The following PTPRD variants were observed in gnomAD, a reference collection of about 807,000 sequenced individuals.
PTPRD encodes the protein receptor-type tyrosine-protein phosphatase delta.
Under a neutral mutation model 214.5 loss-of-function variants are expected in PTPRD, and 34 were observed. The ratio of observed to expected loss-of-function variants is 0.16; its 90% CI spans 0.12 to 0.21. The LOEUF (loss-of-function observed/expected upper bound fraction) is 0.21. PTPRD is among the 10% of genes least tolerant of loss of function. PTPRD has a pLI of 1.00. For missense variants in PTPRD, 2,545 were observed against 2,398.7 expected (o/e 1.06, Z -1.27); for synonymous variants, 1,128 against 845.7 (o/e 1.33, Z -5.79).
rs555390718 is a variant in PTPRD, at chr9:9,120,501, G to A, written c.-143+62803C>T. On this transcript the variant is annotated intron_variant, in intron 10 of 45. Transcript: ENST00000381196. ...AGCTATGGAAAAGTCTGTCAAATAT[G>A]AAAGCTGTGCATGCCTCCATTGCAT... 2.0e-5 allele frequency among the ~76,000 whole-genome samples: 3 copies of A among 152,320 alleles called. No homozygotes were observed. In the South Asian group the frequency reaches 6.2e-4, roughly 32 times the overall value.
rs376860279 is a variant in PTPRD at position 8,634,031 on chromosome 9, T to G, written c.211-573A>C. On this transcript the variant is annotated intron_variant, in intron 13 of 45. Coordinates refer to ENST00000381196, the MANE Select transcript of PTPRD (RefSeq NM_002839.4). ...AAAAGCCTGATGGTGTGCATTAATT[T>G]TGCCATAAATCATTCCAGTATTTGT... Among the ~76,000 whole-genome samples the G allele has an allele frequency of 2.6e-4, 39 of 152,080 alleles. 2 individuals carry two copies. The highest frequency in any genetic ancestry group is 9.2e-4 in the African/African-American group (38 of 41,508).
chr9:8,972,095 G>T (rs989158296), intron 11 of PTPRD, among the ~76,000 whole-genome samples: 1 of 151,768 alleles, frequency 6.6e-6, no homozygotes, highest in Non-Finnish European at 1.5e-5. Context: ...ACTCAATCCA[G>T]GAGACAGTTC....
chr9:9,320,428 T>C (rs951594688), intron 9 of PTPRD, among the ~76,000 whole-genome samples: 4 of 152,166 alleles, frequency 2.6e-5, no homozygotes, highest in African/African-American at 9.6e-5. Flanking sequence ...ATTTTAGAAA[T>C]ATATTATCTA....
At chr9:9,411,063 G>T (rs1302608591) in intron 8 of PTPRD, among the ~76,000 whole-genome samples, 1 of 152,116 alleles carries the variant, frequency 6.6e-6, no homozygotes, top group Non-Finnish European at 1.5e-5. Flanking sequence ...ATGTGTGTGT[G>T]TGTTGGACTA....
intron 7 of PTPRD, among the ~76,000 whole-genome samples, chr9:9,599,615 A>C (rs2093610550): frequency 6.6e-6 from 1 of 151,820 alleles, no homozygotes; most frequent in Admixed American, 6.6e-5. Flanking sequence ...TTTCATTCTG[A>C]GTAATTTCCA....
chr9:9,238,153 T>C (rs143301152), intron 9 of PTPRD, among the ~76,000 whole-genome samples: 125 of 152,174 alleles, frequency 8.2e-4, no homozygotes, highest in African/African-American at 2.8e-3. Context: ...AAAGGCACTA[T>C]TGACCCCCTT....
At chr9:9,317,117 T>C (rs1043470364) in intron 9 of PTPRD, among the ~76,000 whole-genome samples, 4 of 152,342 alleles carry the variant, frequency 2.6e-5, no homozygotes. Context: ...TTTTACTTTC[T>C]ACTGGTTCAT....
intron 10 of PTPRD, among the ~76,000 whole-genome samples, chr9:9,136,144 A>C (rs990229595): frequency 5.9e-5 from 9 of 152,100 alleles, no homozygotes; most frequent in African/African-American, 2.2e-4. Flanking sequence ...AACTTCATCA[A>C]ATGTTGAATA....
In PTPRD at chr9:9,663,920, T is replaced by C. The variant is rs777061698; in HGVS notation, c.-287+70613A>G. ...GTGTGGTAGCTGGATTTGAATAGTT[T>C]TTAAGATAAAGTTTTAGAAACTCTT... On this transcript the variant is annotated intron_variant, in intron 7 of 45. Coordinates refer to ENST00000381196, the MANE Select transcript of PTPRD (RefSeq NM_002839.4). 9.4e-4 allele frequency among the ~76,000 whole-genome samples: 143 copies of C among 151,524 alleles called. 1 individual carries two copies. Among genetic ancestry groups the C allele is most frequent in the Admixed American group, 4.0e-4 (6 of 15,174 alleles).
intron 7 of PTPRD, among the ~76,000 whole-genome samples, chr9:9,608,865 C>G (rs2094346768): frequency 6.6e-6 from 1 of 152,178 alleles, no homozygotes; most frequent in Non-Finnish European, 1.5e-5. Flanking sequence ...TCTTTCCTGA[C>G]TCATTGCCTT....
intron 5 of PTPRD, among the ~76,000 whole-genome samples, chr9:9,817,241 A>T (rs1650973325): frequency 6.6e-6 from 1 of 152,178 alleles, no homozygotes; most frequent in Non-Finnish European, 1.5e-5. Flanking sequence ...ATCTTTTAAC[A>T]ACTAACTACA....
At chr9:10,479,804 G>C (rs1029135973) in intron 2 of PTPRD, among the ~76,000 whole-genome samples, 1 of 152,010 alleles carries the variant, frequency 6.6e-6, no homozygotes, top group Non-Finnish European at 1.5e-5. Flanking sequence ...CTGGGCAACA[G>C]GGTGAGATCC....
At chr9:8,848,511 T>C (rs966576384) in intron 11 of PTPRD, among the ~76,000 whole-genome samples, 7 of 149,428 alleles carry the variant, frequency 4.7e-5, no homozygotes, top group Non-Finnish European at 7.4e-5. Context: ...AATATTTTTT[T>C]TTTTTTTTTT....
intron 9 of PTPRD, among the ~76,000 whole-genome samples, chr9:9,360,012 C>G (rs2055412974): frequency 6.6e-6 from 1 of 151,234 alleles, no homozygotes; most frequent in Non-Finnish European, 1.5e-5. Context: ...CTTCAGTGAT[C>G]TGGTTACAGT....
intron 11 of PTPRD, among the ~76,000 whole-genome samples, chr9:8,928,673 G>A (rs575879335): frequency 6.6e-6 from 1 of 152,046 alleles, no homozygotes; most frequent in Non-Finnish European, 1.5e-5. Context: ...TGGCTATATG[G>A]GCTCTTTTTT....
chr9:9,295,336 T>G (rs1206810169), intron 9 of PTPRD, among the ~76,000 whole-genome samples: 1 of 151,780 alleles, frequency 6.6e-6, no homozygotes, highest in East Asian at 1.9e-4. Flanking sequence ...TGAGTGAATC[T>G]TTACAGCTTA....
chr9:8,324,333 A>C (rs1357124787), intron 44 of PTPRD, among the ~76,000 whole-genome samples: 1 of 151,486 alleles, frequency 6.6e-6, no homozygotes, highest in Non-Finnish European at 1.5e-5. Context: ...TCCCACTTAT[A>C]AGTGAGAATA....
intron 5 of PTPRD, among the ~76,000 whole-genome samples, chr9:9,874,548 G>A (rs182389070): frequency 5.6e-4 from 85 of 152,214 alleles, no homozygotes; most frequent in African/African-American, 1.9e-3. Context: ...GCTAGATTTA[G>A]CAAAATGTAT....
intron 6 of PTPRD, among the ~76,000 whole-genome samples, chr9:9,759,200 T>C (rs2098625866): frequency 6.6e-6 from 1 of 152,204 alleles, no homozygotes; most frequent in Non-Finnish European, 1.5e-5. Context: ...CCTGAGATCC[T>C]ATAGTAATAC....
Sources: allele counts gnomAD v4.1 joint callset (sites outside exome capture counted in the v4.1 genomes callset), GRCh38; gene constraint gnomAD v4.1.1; transcripts MANE v1.5; gene names NCBI Gene and HGNC (gene_info 2026-07-23, HGNC 2026-07-21).